TROAP: variants seen among roughly 807,000 people sequenced by gnomAD.
TROAP encodes tastin.
A neutral mutation model predicts 83.4 loss-of-function variants in TROAP; 62 were observed. The observed-to-expected ratio is 0.74, with a 90% CI of 0.61 to 0.92. The LOEUF is 0.92. Ranked by LOEUF, TROAP falls within the 40% of genes least tolerant of loss-of-function variation. The pLI, the probability that TROAP is intolerant of heterozygous loss-of-function variation, is 0.00. For synonymous variants in TROAP, 352 were observed against 386.4 expected (o/e 0.91, Z 1.04); for missense variants, 876 against 985.1 (o/e 0.89, Z 1.48).
intron 2 of TROAP, 37 bp from the exon 3 acceptor site, chr12:49,323,808 C>G (rs1383618814): frequency 9.3e-6 from 15 of 1,613,820 alleles, no homozygotes; most frequent in Non-Finnish European, 1.3e-5. Flanking sequence ...CACCCCAACA[C>G]TAAACCTCAC....
intron 6 of TROAP, 127 bp downstream of exon 6, chr12:49,326,285 C>A: frequency 1.1e-6 from 1 of 935,674 alleles, no homozygotes; most frequent in Non-Finnish European, 1.7e-6. Flanking sequence ...GGAGGGGAAG[C>A]AAGAAACCTG....
rs1377699732 is a variant in TROAP at position 49,323,904 on chromosome 12, C to T, written c.204C>T (p.Pro68=). ...GCCCCCTCGTTGATTCAGCAGGCCC[C>T]AGGCCGAAAGCCAGGCACCAGGCAG... The part of the protein sequence containing the change: ...IQRPLVDSAG[P]RPKARHQAET... The change falls in exon 3 of 15, where the codon CCC becomes CCT. Residue 68 remains proline, a synonymous_variant. Coordinates refer to ENST00000257909, the MANE Select transcript of TROAP (RefSeq NM_005480.4). The T allele has an allele frequency of 6.2e-7, 1 of 1,614,094 alleles. No individual in the cohort carries two copies. Among genetic ancestry groups the T allele is most frequent in the East Asian group, 2.2e-5 (1 of 44,886 alleles).
chr12:49,331,121 T>C (rs919567581), intron 13 of TROAP, 93 bp from the exon 14 acceptor site: 3 of 1,572,838 alleles, frequency 1.9e-6, no homozygotes, highest in Middle Eastern at 1.7e-4. Flanking sequence ...GTGCTCCTAA[T>C]TGGCTTGGCC....
At position 49,330,339 on chromosome 12, in the gene TROAP, A is replaced by G. The variant is rs776955153; in HGVS notation, c.1494A>G (p.Ser498=). The G allele has an allele frequency of 6.2e-7, 1 of 1,614,114 alleles. No homozygotes were observed. Among genetic ancestry groups the G allele is most frequent in the Non-Finnish European group, 8.5e-7 (1 of 1,179,976 alleles). Residue 498 remains serine, a synonymous_variant, in exon 13 of 15, where the codon TCA becomes TCG. Transcript: ENST00000257909. ...TSHLPGLLKH[S]GLPKPCLPEE... The stretch of plus-strand genomic sequence containing the variant: ...ACCTTCCTGGACTGTTAAAACACTC[A>G]GGGCTGCCAAAGCCCTGTCTTCCAG...
chr12:49,323,681 C>A lies in TROAP; in HGVS notation c.73C>A (p.Arg25Ser). ...TCCTACCCCTAGCAAGATTCCGGTACGCTCTCAGAAACGCACGCCTTTCCC... is the reference window on the plus strand; with the variant it reads ...TCCTACCCCTAGCAAGATTCCGGTAAGCTCTCAGAAACGCACGCCTTTCCC... ...VSPTPSKIPVRSQKRTPFPTV... is the reference protein window; with the variant it reads ...VSPTPSKIPVSSQKRTPFPTV... Residue 25 changes from arginine to serine, a missense_variant, in exon 2 of 15, where the codon CGC becomes AGC. By Grantham distance (110) the Arg-to-Ser change is moderately radical. Coordinates refer to ENST00000257909, the MANE Select transcript of TROAP (RefSeq NM_005480.4). 3 of 1,614,152 alleles carry A rather than the reference C, an allele frequency of 1.9e-6. No individual in the cohort carries two copies. The highest frequency in any genetic ancestry group is 1.1e-5 in the South Asian group (1 of 91,084).
chr12:49,331,476 AG>A (rs1231043651), intron 14 of TROAP, 69 bp downstream of exon 14: 129 of 1,609,242 alleles, frequency 8.0e-5, no homozygotes, highest in Non-Finnish European at 1.1e-4. Flanking sequence ...GAACAGGGAC[AG>A]GGGGCCACCT....
At chr12:49,324,156 C>A (rs371971154) in intron 3 of TROAP, 119 bp downstream of exon 3, 11 of 1,614,090 alleles carry the variant, frequency 6.8e-6, no homozygotes, top group Admixed American at 5.0e-5. Flanking sequence ...CTGTGATAGT[C>A]CTGGTCCCAG....
intron 8 of TROAP, 40 bp from the exon 9 acceptor site, chr12:49,328,887 G>A: frequency 6.6e-7 from 1 of 1,506,878 alleles, no homozygotes; most frequent in South Asian, 1.3e-5. Context: ...GGAAGACAAA[G>A]GGGGCGGGGA....
chr12:49,331,190 C>T, intron 13 of TROAP, 24 bp from the exon 14 acceptor site: 14 of 1,613,860 alleles, frequency 8.7e-6, no homozygotes, highest in Non-Finnish European at 1.1e-5. Context: ...CCAGACCTCC[C>T]TCTAAATTTT....
chr12:49,330,367 G>A lies in TROAP; in HGVS notation c.1522G>A (p.Glu508Lys). The A allele has an allele frequency of 6.2e-7, 1 of 1,614,158 alleles. No homozygotes were observed. Among genetic ancestry groups the A allele is most frequent in the Non-Finnish European group, 8.5e-7 (1 of 1,180,004 alleles). ...GCTGCCAAAGCCCTGTCTTCCAGAG[G>A]AGTGCGGGGAACCACAGCCCTGCCC... Reference protein sequence around the residue: ...SGLPKPCLPEECGEPQPCPPA... With the variant: ...SGLPKPCLPEKCGEPQPCPPA... The change falls in exon 13 of 15, where the codon GAG becomes AAG. Residue 508 changes from glutamate to lysine, a missense_variant. Transcript: ENST00000257909.
rs973129672 is a variant in TROAP, at chr12:49,325,408, C to T, written c.338-93C>T. The T allele has an allele frequency of 7.1e-6, 9 of 1,272,012 alleles. No homozygotes were observed. In the African/African-American group the frequency reaches 1.1e-4, roughly 15 times the overall value. The allele number at this position is 1,272,012 out of a possible 1,614,324, so 78.8% of individuals were successfully genotyped here. A position where few individuals can be genotyped will look rare whatever the true frequency, so the allele number is the denominator to read the frequency against. On this transcript the variant is annotated intron_variant, in intron 3 of 14. Transcript: ENST00000257909. ...ATAAGCCAAATTCAATTGAATGAGT[C>T]TCTTGCTCACCTTGTACCTCAAAGT...
chr12:49,331,386 A>G lies in TROAP; in HGVS notation c.2271A>G (p.Leu757=), dbSNP rs1224595953. 5 of 1,613,294 alleles carry G rather than the reference A, an allele frequency of 3.1e-6. No individual in the cohort carries two copies. In the East Asian group the frequency reaches 1.1e-4, roughly 36 times the overall value. The stretch of plus-strand genomic sequence containing the variant: ...TCTGCACCAACCCTGTGGCTACATT[A>G]CTCGAATGGCAGGATGCCCTGGTGA... The part of the protein sequence containing the change: ...TRVCTNPVAT[L]LEWQDALCFI... Residue 757 remains leucine, a synonymous_variant, in exon 14 of 15, where the codon TTA becomes TTG. Transcript: ENST00000257909.
In TROAP at chr12:49,325,638, G is replaced by T; in HGVS notation, c.475G>T (p.Gly159Cys). 6.2e-7 allele frequency: 1 copy of T among 1,613,734 alleles called. No homozygotes were observed. Among genetic ancestry groups the T allele is most frequent in the Non-Finnish European group, 8.5e-7 (1 of 1,180,020 alleles). Residue 159 changes from glycine to cysteine, a missense_variant, in exon 4 of 15, where the codon GGC (glycine) becomes TGC (cysteine). Physicochemically the swap from Gly to Cys is radical, Grantham distance 159. Coordinates refer to ENST00000257909, the MANE Select transcript of TROAP (RefSeq NM_005480.4). ...KRVLVRGSQG[G>C]TTQRVQGVRA... ...AGTACTGGTTCGAGGAAGTCAGGGA[G>T]GCACCACCCAGAGGGTCCAGGTAAT... is the stretch of plus-strand genomic sequence containing the variant.
chr12:49,325,072 A>G lies in TROAP; in HGVS notation c.338-429A>G, dbSNP rs369933878. Among the ~76,000 whole-genome samples the G allele has an allele frequency of 4.8e-3, 727 of 151,652 alleles. 5 individuals carry two copies. The highest frequency in any genetic ancestry group is 0.017 in the African/African-American group (685 of 41,378). ...ACTACAGGCGCGCGCCACCAGGTCC[A>G]GCTAATTTTTTTTTGTTTTTGTTTT... is the stretch of plus-strand genomic sequence containing the variant. On this transcript the variant is annotated intron_variant, in intron 3 of 14. Transcript: ENST00000257909.
chr12:49,329,463 C>A lies in TROAP; in HGVS notation c.1164+9C>A. The A allele has an allele frequency of 6.2e-7, 1 of 1,604,590 alleles. No homozygotes were observed. Among genetic ancestry groups the A allele is most frequent in the Non-Finnish European group, 8.5e-7 (1 of 1,175,112 alleles). On this transcript the variant is annotated intron_variant, in intron 11 of 14. Transcript: ENST00000257909. The surrounding 1 kb of genome is among the most constrained non-coding windows in gnomAD (Gnocchi z 4.5). ...ATCCTGCCCTGCCCTGGGTAAGTAT[C>A]AGAAGCTTCCCCCTACTGAGATCCC...
intron 3 of TROAP, 86 bp from the exon 4 acceptor site, chr12:49,325,415 T>C: frequency 7.4e-7 from 1 of 1,345,128 alleles, no homozygotes. Flanking sequence ...AGTCTCTTGC[T>C]CACCTTGTAC....
chr12:49,331,054 C>T (rs1212371981), intron 13 of TROAP, 111 bp downstream of exon 13: 13 of 1,546,036 alleles, frequency 8.4e-6, no homozygotes, highest in Non-Finnish European at 1.1e-5. Context: ...ACACCTTCCA[C>T]CCTGGCCCAG....
chr12:49,329,348 G>A lies in TROAP; in HGVS notation c.1105-47G>A, dbSNP rs771275502. The A allele has an allele frequency of 3.1e-6, 5 of 1,612,716 alleles. No homozygotes were observed. In the South Asian group the frequency reaches 5.5e-5, roughly 18 times the overall value. On this transcript the variant is annotated intron_variant, in intron 10 of 14. Transcript: ENST00000257909. This position sits in a 1 kb window ranked among gnomAD's most constrained non-coding sequence, Gnocchi z 4.5. Reference sequence around the variant, plus strand: ...AGACAGAAGCAAGGGGAGGCTGAGTGCCATCTGTGGGTGTCAGCCCTTGCT... The same window carrying A: ...AGACAGAAGCAAGGGGAGGCTGAGTACCATCTGTGGGTGTCAGCCCTTGCT...
At chr12:49,328,660 C>T (rs1217011431) in intron 8 of TROAP, among the ~76,000 whole-genome samples, 2 of 151,928 alleles carry the variant, frequency 1.3e-5, no homozygotes, top group Admixed American at 6.5e-5. Context: ...GTCAGGAGAT[C>T]GAGACCATCC....
Sources: allele counts gnomAD v4.1 joint callset (sites outside exome capture counted in the v4.1 genomes callset), GRCh38; gene constraint gnomAD v4.1.1; non-coding constraint Gnocchi (gnomAD v3.1); transcripts MANE v1.5; gene names NCBI Gene and HGNC (gene_info 2026-07-23, HGNC 2026-07-21).